The following FAM135B variants were observed in gnomAD, a reference collection of about 807,000 sequenced individuals.
FAM135B encodes the protein protein FAM135B.
A neutral mutation model predicts 127.7 loss-of-function variants in FAM135B; 43 were observed. That is an observed-to-expected ratio of 0.34 (90% CI 0.26 to 0.43). The LOEUF is 0.43. FAM135B is among the 20% of genes least tolerant of loss of function. FAM135B has a pLI of 1.00. For synonymous variants in FAM135B, 670 were observed against 665.1 expected, an observed-to-expected ratio of 1.01 and a Z score of -0.11; for missense variants, 1,558 against 1,725.6, an observed-to-expected ratio of 0.90 and a Z score of 1.72.
At position 138,388,885 on chromosome 8, in the gene FAM135B, A is replaced by G. The variant is rs138164825; in HGVS notation, c.-19-20883T>C. On this transcript the variant is annotated intron_variant, in intron 1 of 19. Coordinates refer to ENST00000395297, the MANE Select transcript of FAM135B (RefSeq NM_015912.4). ...TATTCAACACCACGAGTGCATCCCA[A>G]TGTGAACTGTGGACTTTGGGTGATA... 2.9e-3 allele frequency among the ~76,000 whole-genome samples: 444 copies of G among 152,250 alleles called. 11 individuals carry two copies. The highest frequency in any genetic ancestry group is 3.4e-3 in the Middle Eastern group (1 of 294).
intron 1 of FAM135B, among the ~76,000 whole-genome samples, chr8:138,444,134 C>G (rs1192760267): frequency 6.6e-6 from 1 of 152,130 alleles, no homozygotes; most frequent in Admixed American, 6.5e-5. Flanking sequence ...AATACAGGAG[C>G]ACCCAGATTC....
At chr8:138,389,769 A>G (rs1832437859) in intron 1 of FAM135B, among the ~76,000 whole-genome samples, 1 of 152,204 alleles carries the variant, frequency 6.6e-6, no homozygotes. Flanking sequence ...GATATGCTGA[A>G]AGCTACTGAA....
chr8:138,151,631 C>G lies in FAM135B; in HGVS notation c.2844G>C (p.Arg948Ser), dbSNP rs2130736692. The G allele has an allele frequency of 1.2e-6, 2 of 1,614,144 alleles. No individual in the cohort carries two copies. The highest frequency in any genetic ancestry group is 1.7e-6 in the Non-Finnish European group (2 of 1,180,030). ...TTTGGCTTTGCTGGCCTGTTGAGTTCCTGTTGATGGCATCAGCAGCTGACG... is the reference window on the plus strand; with the variant it reads ...TTTGGCTTTGCTGGCCTGTTGAGTTGCTGTTGATGGCATCAGCAGCTGACG... Reference protein sequence around the residue: ...SCTSAADAINRNSTGQQSQSG... With the variant: ...SCTSAADAINSNSTGQQSQSG... The change falls in exon 13 of 20, where the codon AGG (arginine) becomes AGC (serine). Residue 948 changes from arginine (R) to serine (S), a missense_variant. By Grantham distance (110) the Arg-to-Ser change is moderately radical. Around this residue, in one of 5 missense-constraint regions of FAM135B, gnomAD observed 923 missense variants for 865.3 expected, o/e 1.07. Transcript: ENST00000395297.
At position 138,152,623 on chromosome 8, in the gene FAM135B, G is replaced by A. The variant is rs768106877; in HGVS notation, c.1852C>T (p.Leu618=). ...DKTTLHELST[L]GKGIDQEGKM... is the part of the protein sequence containing the mutation. ...CCCTCTTGATCTATTCCCTTTCCTA[G>A]AGTACTTAATTCATGGAGAGTTGTT... The change falls in exon 13 of 20, where the codon CTA becomes TTA. Residue 618 remains leucine (L), a synonymous_variant. Transcript: ENST00000395297. 9.3e-6 allele frequency: 15 copies of A among 1,614,010 alleles called. No individual in the cohort carries two copies. The highest frequency in any genetic ancestry group is 1.6e-4 in the Middle Eastern group (1 of 6,084).
intron 1 of FAM135B, among the ~76,000 whole-genome samples, chr8:138,404,442 C>A (rs1833336334): frequency 6.6e-6 from 1 of 152,256 alleles, no homozygotes; most frequent in Admixed American, 6.5e-5. Context: ...GTGACTGTGA[C>A]AAATTCTTAA....
At chr8:138,422,454 A>G (rs1834569270) in intron 1 of FAM135B, among the ~76,000 whole-genome samples, 1 of 152,194 alleles carries the variant, frequency 6.6e-6, no homozygotes, top group South Asian at 2.1e-4. Context: ...TTAAAAAGCC[A>G]AAGGACATGA....
intron 3 of FAM135B, among the ~76,000 whole-genome samples, chr8:138,266,130 A>G (rs950380008): frequency 6.6e-6 from 1 of 152,072 alleles, no homozygotes; most frequent in African/African-American, 2.4e-5. Context: ...TGCCTGCTCA[A>G]CTTCTCACCT....
chr8:138,180,376 C>A (rs1213519899), intron 9 of FAM135B, among the ~76,000 whole-genome samples: 1 of 152,196 alleles, frequency 6.6e-6, no homozygotes, highest in Non-Finnish European at 1.5e-5. Context: ...TGCCGCGGAG[C>A]TTTCTACTAT....
intron 9 of FAM135B, among the ~76,000 whole-genome samples, chr8:138,187,096 T>A (rs1815652458): frequency 6.6e-6 from 1 of 152,220 alleles, no homozygotes; most frequent in Admixed American, 6.5e-5. Context: ...GTATTGTCAT[T>A]GTTGCAGTGA....
intron 1 of FAM135B, among the ~76,000 whole-genome samples, chr8:138,428,068 G>A (rs866737661): frequency 6.6e-6 from 1 of 152,228 alleles, no homozygotes; most frequent in African/African-American, 2.4e-5. Context: ...CATTAGTTGG[G>A]TGTCAAACTT....
intron 1 of FAM135B, among the ~76,000 whole-genome samples, chr8:138,395,527 C>G (rs540870789): frequency 2.0e-5 from 3 of 152,152 alleles, no homozygotes; most frequent in Non-Finnish European, 4.4e-5. Context: ...TGAGATACAG[C>G]CCTATTAGAT....
At chr8:138,400,422 C>G (rs977286350) in intron 1 of FAM135B, among the ~76,000 whole-genome samples, 3 of 152,162 alleles carry the variant, frequency 2.0e-5, no homozygotes, top group Non-Finnish European at 4.4e-5. Context: ...GACTTGAAGC[C>G]TGGTCATTCC....
At chr8:138,248,386 A>C (rs1821443105) in intron 6 of FAM135B, among the ~76,000 whole-genome samples, 2 of 152,196 alleles carry the variant, frequency 1.3e-5, no homozygotes, top group Non-Finnish European at 2.9e-5. Context: ...CAGAGCTTCC[A>C]GACATGGCCT....
intron 2 of FAM135B, among the ~76,000 whole-genome samples, chr8:138,362,371 T>A (rs4909779): frequency 6.7e-6 from 1 of 150,364 alleles, no homozygotes. Flanking sequence ...TCAAGTAGTA[T>A]TGTGCATGGA....
intron 15 of FAM135B, 61 bp from the exon 16 acceptor site, chr8:138,143,170 A>G (rs1028400769): frequency 1.1e-6 from 1 of 903,296 alleles, no homozygotes; most frequent in Non-Finnish European, 1.8e-6. Context: ...GGCTTTGTGC[A>G]CAGCCTGTGT....
intron 2 of FAM135B, among the ~76,000 whole-genome samples, chr8:138,345,606 CTG>C (rs142341562): frequency 0.032 from 4,830 of 152,274 alleles, 215 homozygotes; most frequent in African/African-American, 0.1. Flanking sequence ...TGTGAGGACT[CTG>C]TGATATTAAC....
intron 2 of FAM135B, among the ~76,000 whole-genome samples, chr8:138,344,866 C>T (rs969261150): frequency 6.6e-6 from 1 of 152,112 alleles, no homozygotes; most frequent in East Asian, 1.9e-4. Flanking sequence ...TGAGCCACCG[C>T]GCCTGGCTTC....
chr8:138,497,011 C>T lies in FAM135B; in HGVS notation c.-360G>A, dbSNP rs189825867. ...GCGCCAGGACGCGAGGCTGTCAGCG[C>T]GGTCGGGGGAACGCAGCCGCCAGCG... On this transcript the variant is annotated 5_prime_UTR_variant, in exon 1 of 20. Transcript: ENST00000395297. 9.3e-3 allele frequency among the ~76,000 whole-genome samples: 1,412 copies of T among 152,090 alleles called. 23 individuals carry two copies. The highest frequency in any genetic ancestry group is 0.032 in the African/African-American group (1,341 of 41,528).
chr8:138,417,020 C>G (rs999609232), intron 1 of FAM135B, among the ~76,000 whole-genome samples: 2 of 152,148 alleles, frequency 1.3e-5, no homozygotes, highest in Admixed American at 1.3e-4. Context: ...CAGGAAACTG[C>G]CCAGAGAGAT....
Sources: allele counts gnomAD v4.1 joint callset (sites outside exome capture counted in the v4.1 genomes callset), GRCh38; gene constraint gnomAD v4.1.1; regional missense constraint gnomAD v4.1.1; transcripts MANE v1.5; gene names NCBI Gene and HGNC (gene_info 2026-07-23, HGNC 2026-07-21).